Variants in PLD3 observed in about 807,000 individuals in gnomAD.
The protein encoded by PLD3 is 5'-3' exonuclease PLD3.
In PLD3, 31 loss-of-function variants were observed where a neutral mutation model predicts 58.4. That is an observed-to-expected ratio of 0.53 (90% CI 0.40 to 0.72). PLD3 has a LOEUF of 0.72. Among genes scored for constraint, PLD3 ranks in the 30% least tolerant of loss-of-function variants. PLD3 has a pLI of 0.00. For synonymous variants in PLD3, 264 were observed against 273.4 expected (o/e 0.97, Z 0.34); for missense variants, 595 against 659.8 (o/e 0.90, Z 1.08).
chr19:40,378,038 G>T lies in PLD3; in HGVS notation c.1338G>T (p.Leu446=), dbSNP rs1449393732. The T allele has an allele frequency of 6.2e-7, 1 of 1,613,682 alleles. No homozygotes were observed. The highest frequency in any genetic ancestry group is 8.5e-7 in the Non-Finnish European group (1 of 1,179,854). The change falls in exon 13 of 13, where the codon CTG becomes CTT. Residue 446 remains leucine, a synonymous_variant. Transcript: ENST00000409735. ...NYFTETAGTS[L]LVTQNGRGGL... ...TCACGGAGACGGCGGGCACCTCGCT[G>T]CTGGTGACGCAGAATGGGAGGGGCG...
intron 1 of PLD3, among the ~76,000 whole-genome samples, chr19:40,349,387 T>A (rs564792305): frequency 6.6e-6 from 1 of 152,240 alleles, no homozygotes; most frequent in African/African-American, 2.4e-5. Flanking sequence ...AGCCTTACAG[T>A]TATTTTTCTT....
chr19:40,348,699 C>G lies in PLD3; in HGVS notation c.-348C>G, dbSNP rs1022509251. The G allele has an allele frequency of 3.0e-6, 2 of 661,358 alleles. No homozygotes were observed. Among genetic ancestry groups the G allele is most frequent in the Non-Finnish European group, 4.6e-6 (2 of 437,914 alleles). The allele number at this position is 661,358 out of a possible 1,614,324, so 41.0% of individuals were successfully genotyped here. Reference sequence around the variant, plus strand: ...GCGCCTGCGCGCGGCTAGGAGGGGCCGTCAGGCGGGGATACAGCCTGGAAG... The same window carrying G: ...GCGCCTGCGCGCGGCTAGGAGGGGCGGTCAGGCGGGGATACAGCCTGGAAG... On this transcript the variant is annotated 5_prime_UTR_variant, in exon 1 of 13. Transcript: ENST00000409735.
chr19:40,377,871 G>A lies in PLD3; in HGVS notation c.1271G>A (p.Arg424His), dbSNP rs756836297. Residue 424 changes from arginine (R) to histidine (H), a missense_variant, in exon 12 of 13, where the codon CGC becomes CAC. Arg to His is a conservative substitution (Grantham distance 29). Transcript: ENST00000409735. ...VNHNKYMVTE[R>H]ATYIGTSNWS... ...CACAACAAGTACATGGTGACTGAAC[G>A]CGCCACCTACATCGGTGAGTGTCTT... 9 of 1,613,824 alleles carry A rather than the reference G, an allele frequency of 5.6e-6. No homozygotes were observed. In the East Asian group the frequency reaches 6.7e-5, roughly 12 times the overall value.
rs1331285421 is a variant in PLD3 at position 40,376,726 on chromosome 19, C to G, written c.1137C>G (p.Leu379=). 7 of 1,602,116 alleles carry G rather than the reference C, an allele frequency of 4.4e-6. No homozygotes were observed. The highest frequency in any genetic ancestry group is 5.1e-6 in the Non-Finnish European group (6 of 1,179,962). ...HSEPSMRAFL[L]SLAALRDNHT... is the part of the protein sequence containing the mutation. Reference sequence around the variant, plus strand: ...AGCCATCCATGCGGGCCTTCCTGCTCTCTCTGGCTGCCCTGCGTGACAACC... The same window carrying G: ...AGCCATCCATGCGGGCCTTCCTGCTGTCTCTGGCTGCCCTGCGTGACAACC... Residue 379 remains leucine (L), a synonymous_variant, in exon 11 of 13, where the codon CTC becomes CTG. Coordinates refer to ENST00000409735, the MANE Select transcript of PLD3 (RefSeq NM_012268.4).
rs1177868332 is a variant in PLD3 at position 40,367,801 on chromosome 19, C to T, written c.351C>T (p.His117=). 1 of 1,609,748 alleles carries T rather than the reference C, an allele frequency of 6.2e-7. No homozygotes were observed. Among genetic ancestry groups the T allele is most frequent in the Admixed American group, 1.7e-5 (1 of 59,554 alleles). The part of the protein sequence containing the change: ...QAWLGLLAGA[H]SSLDIASFYW... Reference sequence around the variant, plus strand: ...GGCTGGGCCTGCTCGCCGGTGCGCACAGCAGCCTGGACATCGCCTCCTTCT... The same window carrying T: ...GGCTGGGCCTGCTCGCCGGTGCGCATAGCAGCCTGGACATCGCCTCCTTCT... Residue 117 remains histidine (H), a synonymous_variant, in exon 6 of 13, where the codon CAC becomes CAT. Coordinates refer to ENST00000409735, the MANE Select transcript of PLD3 (RefSeq NM_012268.4).
intron 1 of PLD3, among the ~76,000 whole-genome samples, chr19:40,353,291 G>A (rs2078563900): frequency 6.6e-6 from 1 of 152,062 alleles, no homozygotes; most frequent in Non-Finnish European, 1.5e-5. Flanking sequence ...TTAGCCAGGT[G>A]TGGTGGCGGG....
chr19:40,352,185 A>G (rs1194140471), intron 1 of PLD3, among the ~76,000 whole-genome samples: 1 of 152,038 alleles, frequency 6.6e-6, no homozygotes, highest in East Asian at 1.9e-4. Flanking sequence ...AGGCAGGAAA[A>G]TCGCTTGAAC....
intron 1 of PLD3, among the ~76,000 whole-genome samples, chr19:40,361,116 CTT>C (rs909297337): frequency 1.3e-5 from 2 of 149,020 alleles, no homozygotes; most frequent in African/African-American, 2.5e-5. Context: ...ATCCTCATCT[CTT>C]TTTTTTTTCG....
chr19:40,376,564 G>T, intron 10 of PLD3, 45 bp from the exon 11 acceptor site: 1 of 1,577,896 alleles, frequency 6.3e-7, no homozygotes, highest in East Asian at 2.2e-5. Flanking sequence ...TGTGGACACA[G>T]CCGCCCTCTG....
At chr19:40,362,947 T>C (rs1328253975) in intron 1 of PLD3, among the ~76,000 whole-genome samples, 1 of 152,120 alleles carries the variant, frequency 6.6e-6, no homozygotes, top group African/African-American at 2.4e-5. Flanking sequence ...TATGTTCTTG[T>C]AGAGACTGGG....
In PLD3 at chr19:40,376,485, C is replaced by T. The variant is rs371037580; in HGVS notation, c.1020-124C>T. 121 of 866,604 alleles carry T rather than the reference C, an allele frequency of 1.4e-4. 1 individual carries two copies. The African/African-American group carries it at 1.8e-3, about 13-fold the overall frequency. The allele number at this position is 866,604 out of a possible 1,614,324, so 53.7% of individuals were successfully genotyped here. ...GACAGGAACAGGGTCTGGGAGCCAG[C>T]GATGAGGAAGTCCTCTCAATAGCTA... On this transcript the variant is annotated intron_variant, in intron 10 of 12. Transcript: ENST00000409735.
intron 10 of PLD3, among the ~76,000 whole-genome samples, chr19:40,375,736 G>A (rs1296971777): frequency 6.6e-6 from 1 of 151,870 alleles, no homozygotes; most frequent in Non-Finnish European, 1.5e-5. Flanking sequence ...CACTTGTGGG[G>A]CTCAAAGAAG....
intron 1 of PLD3, among the ~76,000 whole-genome samples, chr19:40,353,868 A>G (rs1004236527): frequency 3.0e-4 from 45 of 149,780 alleles, no homozygotes; most frequent in Middle Eastern, 3.7e-3. Flanking sequence ...GTGAGCCACC[A>G]CACCTGGCCC....
At chr19:40,375,288 G>A (rs1438319391) in intron 10 of PLD3, among the ~76,000 whole-genome samples, 1 of 151,916 alleles carries the variant, frequency 6.6e-6, no homozygotes, top group East Asian at 1.9e-4. Context: ...TGAGGGGCTT[G>A]GGGGATGGGG....
Position 40,366,687 on chromosome 19 carries a change from A to T in PLD3, c.102+3A>T, listed in dbSNP as rs781702695. 1.9e-6 allele frequency: 3 copies of T among 1,610,172 alleles called. No homozygotes were observed. Among genetic ancestry groups the T allele is most frequent in the Admixed American group, 3.4e-5 (2 of 59,602 alleles). On this transcript the variant is annotated splice_donor_region_variant and intron_variant, in intron 4 of 12. Transcript: ENST00000409735. ...AGGCGTGGAAGGCTGCGGAAAAGGT[A>T]GGAGCCCTCCGCCACCCTCGCTCTG...
chr19:40,361,649 T>A (rs1006898151), intron 1 of PLD3, among the ~76,000 whole-genome samples: 5 of 152,066 alleles, frequency 3.3e-5, no homozygotes, highest in African/African-American at 7.2e-5. Context: ...TTTGTACTGA[T>A]CATTTTTCCC....
chr19:40,370,068 G>T, intron 7 of PLD3, 40 bp downstream of exon 7: 2 of 1,581,080 alleles, frequency 1.3e-6, no homozygotes, highest in Non-Finnish European at 1.7e-6. Flanking sequence ...GGGCCTGGGG[G>T]TACCCAGCCT....
intron 1 of PLD3, chr19:40,360,580 TAAAAAAAAA>T (rs67582213): frequency 1.7e-5 from 2 of 115,198 alleles, no homozygotes. Flanking sequence ...GACTCCGTCT[TAAAAAAAAA>T]AAAAAAAAAA....
intron 11 of PLD3, among the ~76,000 whole-genome samples, chr19:40,377,456 G>T (rs1568686725): frequency 6.6e-6 from 1 of 151,028 alleles, no homozygotes; most frequent in Non-Finnish European, 1.5e-5. Context: ...AGGGGTCAGG[G>T]CTGGGGTGGG....
Sources: gnomAD v4.1 joint callset for allele counts (sites outside exome capture counted in the v4.1 genomes callset) on GRCh38, gnomAD v4.1.1 for gene constraint, MANE v1.5 for transcripts, NCBI Gene and HGNC (gene_info 2026-07-23, HGNC 2026-07-21) for gene names.